IGBP1: variants seen among roughly 807,000 people sequenced by gnomAD.
IGBP1 encodes immunoglobulin binding protein 1.
In IGBP1, 2 loss-of-function variants were observed where a neutral mutation model predicts 25.9. That is an observed-to-expected ratio of 0.08 (90% CI 0.03 to 0.24). IGBP1 has a LOEUF of 0.24. IGBP1 is among the 10% of genes least tolerant of loss of function. The pLI is 1.00. For synonymous variants in IGBP1, 96 were observed against 93.4 expected, an observed-to-expected ratio of 1.03 and a Z score of -0.16; for missense variants, 187 against 260.4, an observed-to-expected ratio of 0.72 and a Z score of 1.94.
chrX:70,147,255 G>A (rs953644905), intron 4 of IGBP1, among the ~76,000 whole-genome samples: 14 of 110,976 alleles, frequency 1.3e-4, no homozygotes, highest in Non-Finnish European at 1.3e-4. Context: ...CCAACATGGC[G>A]AAACCCCCTC....
At chrX:70,143,977 C>T (rs1334889575) in intron 3 of IGBP1, among the ~76,000 whole-genome samples, 1 of 112,332 alleles carries the variant, frequency 8.9e-6, no homozygotes, top group Non-Finnish European at 1.9e-5. Flanking sequence ...CATCTGACGT[C>T]AGGAGTTCAA....
chrX:70,141,662 G>A (rs1209502504), intron 3 of IGBP1, among the ~76,000 whole-genome samples: 1 of 111,287 alleles, frequency 9.0e-6, no homozygotes, highest in African/African-American at 3.3e-5. Flanking sequence ...GAGACAGAGT[G>A]GTCATAAAAA....
intron 3 of IGBP1, among the ~76,000 whole-genome samples, chrX:70,139,048 C>T (rs2085114056): frequency 9.0e-6 from 1 of 111,600 alleles, no homozygotes; most frequent in South Asian, 3.7e-4. Context: ...ATTGGGTGGC[C>T]GGGTGCGGTG....
chrX:70,159,854 C>A (rs1398730540), intron 6 of IGBP1, among the ~76,000 whole-genome samples: 1 of 111,216 alleles, frequency 9.0e-6, no homozygotes, highest in Non-Finnish European at 1.9e-5. Context: ...CAACACAGCC[C>A]CAGGAATGGT....
chrX:70,151,106 G>A (rs57158345), intron 6 of IGBP1, among the ~76,000 whole-genome samples: 15,279 of 109,848 alleles, frequency 0.14, 1,988 homozygotes, highest in African/African-American at 0.41. Flanking sequence ...GAATACAGGC[G>A]CCTGCCACCA....
In IGBP1 at chrX:70,165,280, G is replaced by A. The variant is rs141927671; in HGVS notation, c.872-553G>A. On this transcript the variant is annotated intron_variant, in intron 6 of 6. Coordinates refer to ENST00000356413, the MANE Select transcript of IGBP1 (RefSeq NM_001551.3). ...ATTTGGACCTCAGAGCCTATTTCAA[G>A]CACTGCAAAATAATACGTAGGCATT... The A allele has an allele frequency of 6.4e-3, 764 of 119,793 alleles. 5 individuals are homozygous for A. The highest frequency in any genetic ancestry group is 8.7e-3 in the Non-Finnish European group (509 of 58,423). The allele number at this position is 119,793 out of a possible 1,213,427, so 9.9% of individuals were successfully genotyped here.
chrX:70,138,950 T>C (rs2085113700), intron 3 of IGBP1, among the ~76,000 whole-genome samples: 1 of 112,148 alleles, frequency 8.9e-6, no homozygotes, highest in Non-Finnish European at 1.9e-5. Context: ...GCTCTTGATA[T>C]GTGGTAAAAG....
intron 6 of IGBP1, among the ~76,000 whole-genome samples, chrX:70,157,263 AGGGTGGG>A (rs1363136053): frequency 5.2e-4 from 9 of 17,257 alleles, no homozygotes; most frequent in Non-Finnish European, 3.0e-4. Flanking sequence ...TACCTTAACA[AGGGTGGG>A]GGTGGGGGCA....
At chrX:70,143,247 C>T (rs1313789452) in intron 3 of IGBP1, among the ~76,000 whole-genome samples, 2 of 110,591 alleles carry the variant, frequency 1.8e-5, no homozygotes, top group African/African-American at 6.6e-5. Flanking sequence ...CTTGTTAGGC[C>T]GGTCTCGAAC....
Position 70,165,916 on chromosome X carries a change from C to T in IGBP1, c.955C>T (p.Arg319Trp), listed in dbSNP as rs769513411. 7.5e-6 allele frequency: 9 copies of T among 1,205,612 alleles called. No homozygotes were observed. The African/African-American group carries it at 1.1e-4, about 14-fold the overall frequency. Residue 319 changes from arginine (R) to tryptophan (W), a missense_variant, in exon 7 of 7, where the codon CGG becomes TGG. Transcript: ENST00000356413. ...TGATGAACAAACACTCCACAGAGCC[C>T]GGGAGTGGGATGACTGGAAGGACAC... The part of the protein sequence containing the change: ...EDDEQTLHRA[R>W]EWDDWKDTHP...
At chrX:70,161,104 G>C (rs2085268600) in intron 6 of IGBP1, among the ~76,000 whole-genome samples, 1 of 111,866 alleles carries the variant, frequency 8.9e-6, no homozygotes. Flanking sequence ...GACCAGCCCA[G>C]TAGCAATGAG....
intron 3 of IGBP1, among the ~76,000 whole-genome samples, chrX:70,138,085 G>A (rs1284188111): frequency 1.8e-5 from 2 of 110,837 alleles, no homozygotes; most frequent in Non-Finnish European, 3.8e-5. Flanking sequence ...GCAGTGAGCC[G>A]AGACTGCGCC....
At chrX:70,139,324 AAAAAG>A (rs1232482550) in intron 3 of IGBP1, among the ~76,000 whole-genome samples, 578 of 111,235 alleles carry the variant, frequency 5.2e-3, no homozygotes, top group Middle Eastern at 9.4e-3. Flanking sequence ...AAAAAAAAAA[AAAAAG>A]AAAAGAAAAG....
Position 70,154,896 on chromosome X carries a change from C to CAA in IGBP1, c.871+4583_871+4584dup, listed in dbSNP as rs371210304. Among the ~76,000 whole-genome samples, 5 of 100,364 alleles carry CAA rather than the reference C, an allele frequency of 5.0e-5. No individual in the cohort carries two copies. The South Asian group carries it at 2.2e-3, about 44-fold the overall frequency. 87.2% of individuals were successfully genotyped at this position (100,364 alleles called of 115,157 possible). Reference sequence around the variant, plus strand: ...TGCGTGATAGAGCAAGACCGTGTCTCAAAAAAAAAAGGGAGCAGCCTGATT... The same window carrying CAA: ...TGCGTGATAGAGCAAGACCGTGTCTCAAAAAAAAAAAAGGGAGCAGCCTGATT... On this transcript the variant is annotated intron_variant, in intron 6 of 6. Transcript: ENST00000356413.
In IGBP1 at chrX:70,152,055, C is replaced by G. The variant is rs1323072824; in HGVS notation, c.871+1733C>G. Among the ~76,000 whole-genome samples the G allele has an allele frequency of 2.7e-5, 3 of 111,322 alleles. No homozygotes were observed. The Admixed American group carries it at 2.9e-4, about 11-fold the overall frequency. ...TTCACCTGTGGGCAGACTGCAGTTA[C>G]TATGATGTAACTGCATGTAACTTGG... On this transcript the variant is annotated intron_variant, in intron 6 of 6. Coordinates refer to ENST00000356413, the MANE Select transcript of IGBP1 (RefSeq NM_001551.3).
At chrX:70,154,080 C>T (rs1175319417) in intron 6 of IGBP1, among the ~76,000 whole-genome samples, 5 of 82,377 alleles carry the variant, frequency 6.1e-5, no homozygotes, top group South Asian at 6.3e-4. Flanking sequence ...TTTTTTGAGA[C>T]GGAGTCTTGC....
intron 6 of IGBP1, among the ~76,000 whole-genome samples, chrX:70,151,683 G>C (rs756130635): frequency 9.0e-6 from 1 of 111,179 alleles, no homozygotes; most frequent in South Asian, 3.9e-4. Flanking sequence ...TTCGAGACCA[G>C]CCTGAGCAAT....
chrX:70,144,939 T>C (rs1309553023), intron 3 of IGBP1, among the ~76,000 whole-genome samples: 1 of 109,037 alleles, frequency 9.2e-6, no homozygotes. Context: ...ATTACAGGGC[T>C]GAGCCACTGT....
intron 6 of IGBP1, among the ~76,000 whole-genome samples, chrX:70,150,871 T>C (rs756252974): frequency 1.2e-4 from 13 of 110,766 alleles, no homozygotes; most frequent in African/African-American, 4.3e-4. Context: ...AAGGGGAAGA[T>C]GAAGAGGGTG....
Sources: gnomAD v4.1 joint callset for allele counts (sites outside exome capture counted in the v4.1 genomes callset) on GRCh38, gnomAD v4.1.1 for gene constraint, MANE v1.5 for transcripts, NCBI Gene and HGNC (gene_info 2026-07-23, HGNC 2026-07-21) for gene names.